The following ZNF341 variants were observed in gnomAD, a reference collection of about 807,000 sequenced individuals.
ZNF341 encodes the protein zinc finger protein 341.
Under a neutral mutation model 87.7 loss-of-function variants are expected in ZNF341, and 52 were observed. That is an observed-to-expected ratio of 0.59 (90% CI 0.47 to 0.75). The LOEUF is 0.75. ZNF341 is among the 30% of genes least tolerant of loss of function. The pLI, the probability that ZNF341 is intolerant of heterozygous loss-of-function variation, is 0.00. For synonymous variants in ZNF341, 459 were observed against 472.7 expected (o/e 0.97, Z 0.38); for missense variants, 977 against 1,145.9 (o/e 0.85, Z 2.13).
At chr20:33,762,218 C>T (rs1278040410) in intron 8 of ZNF341, among the ~76,000 whole-genome samples, 163 bp downstream of exon 8, 2 of 152,162 alleles carry the variant, frequency 1.3e-5, no homozygotes, top group African/African-American at 4.8e-5. Flanking sequence ...GGATGACAAA[C>T]ATACAACATG....
chr20:33,788,802 C>T, intron 12 of ZNF341, 61 bp from the exon 13 acceptor site: 3 of 1,454,170 alleles, frequency 2.1e-6, no homozygotes, highest in Non-Finnish European at 2.9e-6. Context: ...AGCGGGGACC[C>T]TTGTGCCCTG....
intron 8 of ZNF341, among the ~76,000 whole-genome samples, chr20:33,764,844 T>C (rs1347589108): frequency 6.6e-6 from 1 of 151,786 alleles, no homozygotes; most frequent in African/African-American, 2.4e-5. Flanking sequence ...TTTTGTTTTT[T>C]AGTTAGGGTC....
chr20:33,767,570 G>A (rs970611406), intron 9 of ZNF341, among the ~76,000 whole-genome samples: 4 of 152,044 alleles, frequency 2.6e-5, no homozygotes, highest in Non-Finnish European at 5.9e-5. Flanking sequence ...TGTCTGGCTG[G>A]TGGTCACTCT....
At chr20:33,781,701 A>ATTTT (rs35710818) in intron 11 of ZNF341, among the ~76,000 whole-genome samples, 2 of 143,222 alleles carry the variant, frequency 1.4e-5, no homozygotes, top group African/African-American at 2.6e-5. Flanking sequence ...CTTCTTTTTA[A>ATTTT]TTTTTTTTTT....
At chr20:33,770,401 A>G in intron 10 of ZNF341, 109 bp downstream of exon 10, 1 of 1,135,726 alleles carries the variant, frequency 8.8e-7, no homozygotes. Flanking sequence ...AGATATTTGA[A>G]AGGAGAAACC....
intron 4 of ZNF341, chr20:33,752,319 C>A (rs2019076677): frequency 1.6e-6 from 1 of 613,174 alleles, no homozygotes; most frequent in Admixed American, 1.9e-5. Flanking sequence ...TTCTTTATTC[C>A]TTTGTCTCAG....
At chr20:33,781,148 A>G in intron 10 of ZNF341, 143 bp from the exon 11 acceptor site, 2 of 700,318 alleles carry the variant, frequency 2.9e-6, no homozygotes, top group Non-Finnish European at 5.2e-6. Flanking sequence ...GAGGACAGGC[A>G]GTGGCAATTG....
intron 7 of ZNF341, among the ~76,000 whole-genome samples, 176 bp downstream of exon 7, chr20:33,758,982 G>A (rs2019238013): frequency 6.6e-6 from 1 of 152,194 alleles, no homozygotes; most frequent in South Asian, 2.1e-4. Context: ...GAGGCTGTGG[G>A]AGGGACCTGT....
chr20:33,753,962 G>C (rs1047075543), intron 5 of ZNF341, among the ~76,000 whole-genome samples: 11 of 152,152 alleles, frequency 7.2e-5, no homozygotes, highest in Admixed American at 7.2e-4. Flanking sequence ...CTCTAGGATG[G>C]CCTGGGCTGG....
intron 9 of ZNF341, 84 bp downstream of exon 9, chr20:33,767,125 AG>A: frequency 6.7e-7 from 1 of 1,483,048 alleles, no homozygotes; most frequent in Non-Finnish European, 9.1e-7. Flanking sequence ...CTGCCTAGAA[AG>A]GGGTAGGAAC....
At chr20:33,749,180 G>A in intron 4 of ZNF341, 108 bp downstream of exon 4, 1 of 1,395,764 alleles carries the variant, frequency 7.2e-7, no homozygotes, top group South Asian at 1.5e-5. Flanking sequence ...AGCTCTCCCT[G>A]ATGCTGAGGG....
chr20:33,734,896 G>A (rs1236924982), intron 1 of ZNF341, among the ~76,000 whole-genome samples: 1 of 151,970 alleles, frequency 6.6e-6, no homozygotes, highest in African/African-American at 2.4e-5. Flanking sequence ...ATAGAGAAGG[G>A]GGTTTCACCA....
Position 33,770,174 on chromosome 20 carries a change from A to T in ZNF341, c.1504A>T (p.Ser502Cys). 6.2e-7 allele frequency: 1 copy of T among 1,614,178 alleles called. No homozygotes were observed. The highest frequency in any genetic ancestry group is 8.5e-7 in the Non-Finnish European group (1 of 1,180,026). ...EHIKSHQEEL[S>C]YRCHLCGKDF... Reference sequence around the variant, plus strand: ...CATCAAGAGCCACCAGGAGGAGCTGAGCTACCGCTGCCACCTCTGCGGCAA... The same window carrying T: ...CATCAAGAGCCACCAGGAGGAGCTGTGCTACCGCTGCCACCTCTGCGGCAA... Residue 502 changes from serine to cysteine, a missense_variant, in exon 10 of 15, where the codon AGC (serine) becomes TGC (cysteine). Ser to Cys is a moderately radical substitution (Grantham distance 112, BLOSUM62 -1). This residue lies in a region of ZNF341 where 241 missense variants were observed against 335.0 expected (regional missense o/e 0.72). Coordinates refer to ENST00000375200, the MANE Select transcript of ZNF341 (RefSeq NM_001282933.2).
At chr20:33,750,171 G>A (rs1215915344) in intron 4 of ZNF341, among the ~76,000 whole-genome samples, 2 of 152,178 alleles carry the variant, frequency 1.3e-5, no homozygotes, top group African/African-American at 4.8e-5. Flanking sequence ...TGTCCAGGCT[G>A]ATCTTGAACT....
chr20:33,748,889 C>T (rs1178005265), intron 3 of ZNF341, 34 bp from the exon 4 acceptor site: 2 of 1,586,526 alleles, frequency 1.3e-6, no homozygotes, highest in South Asian at 2.3e-5. Flanking sequence ...CTGTCTCTCT[C>T]CGTCTCACTC....
intron 2 of ZNF341, among the ~76,000 whole-genome samples, chr20:33,743,397 G>A (rs1447367295): frequency 6.8e-6 from 1 of 147,210 alleles, no homozygotes; most frequent in East Asian, 2.0e-4. Context: ...CTGGAGTGCA[G>A]TGGTGTGATC....
At chr20:33,753,094 A>G in intron 4 of ZNF341, 78 bp from the exon 5 acceptor site, 1 of 1,597,626 alleles carries the variant, frequency 6.3e-7, no homozygotes, top group Non-Finnish European at 8.5e-7. Context: ...TGGCTGGCTA[A>G]AGCAAATGTC....
Position 33,761,884 on chromosome 20 carries a change from C to T in ZNF341, c.1051C>T (p.Gln351Ter). 1.3e-6 allele frequency: 2 copies of T among 1,572,022 alleles called. No homozygotes were observed. The highest frequency in any genetic ancestry group is 1.7e-6 in the Non-Finnish European group (2 of 1,149,840). ...CAGCCACACCGGTGAGAAGCCCTTC[C>T]AGTGCATTGCATGTGGCCGTGCCTT... ...IRSHTGEKPF[Q>*]CIACGRAFAQ... The change falls in exon 8 of 15, where the codon CAG (glutamine) becomes TAG (stop). Residue 351 changes from glutamine to a stop codon, truncating the protein, a stop_gained. Coordinates refer to ENST00000375200, the MANE Select transcript of ZNF341 (RefSeq NM_001282933.2). LOFTEE classifies it high-confidence loss of function.
At chr20:33,748,076 AT>A (rs890820585) in intron 3 of ZNF341, among the ~76,000 whole-genome samples, 3 of 149,784 alleles carry the variant, frequency 2.0e-5, no homozygotes, top group East Asian at 2.0e-4. Context: ...ACAAGGAAGT[AT>A]TTTTTTTTCT....
Sources: gnomAD v4.1 joint callset for allele counts (sites outside exome capture counted in the v4.1 genomes callset) on GRCh38, gnomAD v4.1.1 for gene constraint, gnomAD v4.1.1 regional missense constraint, MANE v1.5 for transcripts, NCBI Gene and HGNC (gene_info 2026-07-23, HGNC 2026-07-21) for gene names.